Variants in DCAF1 observed in about 807,000 individuals in gnomAD.
DCAF1 encodes DDB1- and CUL4-associated factor 1.
DCAF1 carries 15 observed loss-of-function variants against 128.0 expected under a neutral mutation model. That is an observed-to-expected ratio of 0.12 (90% confidence interval 0.08 to 0.18). DCAF1 has a LOEUF of 0.18. Ranked by LOEUF, DCAF1 falls within the 10% of genes least tolerant of loss-of-function variation. DCAF1 has a pLI of 1.00. For synonymous variants in DCAF1, 610 were observed against 603.0 expected, an observed-to-expected ratio of 1.01 and a Z score of -0.17; for missense variants, 988 against 1,649.5, an observed-to-expected ratio of 0.60 and a Z score of 6.95.
chr3:51,471,186 ATTC>A (rs1329831221), intron 3 of DCAF1, among the ~76,000 whole-genome samples, 181 bp from the exon 4 acceptor site: 1 of 149,870 alleles, frequency 6.7e-6, no homozygotes, highest in African/African-American at 2.4e-5. Flanking sequence ...TCCCAAACTC[ATTC>A]TTTTTTTTTT....
intron 6 of DCAF1, among the ~76,000 whole-genome samples, chr3:51,457,494 A>T (rs1577210617): frequency 6.6e-6 from 1 of 152,320 alleles, no homozygotes; most frequent in African/African-American, 2.4e-5. Context: ...ACTCTGCAGG[A>T]TATTATCCAG....
intron 13 of DCAF1, among the ~76,000 whole-genome samples, chr3:51,425,177 A>G (rs1260207192): frequency 2.0e-5 from 3 of 152,148 alleles, no homozygotes; most frequent in African/African-American, 7.2e-5. Context: ...TATTTTTTCA[A>G]TAATCCAAAT....
At chr3:51,503,050 G>C (rs1336251029), upstream of DCAF1, among the ~76,000 whole-genome samples, 1 of 152,196 alleles carries the variant, frequency 6.6e-6, no homozygotes, top group Non-Finnish European at 1.5e-5. Context: ...ACCTGGCTTG[G>C]TTGTGGCACA....
Position 51,443,906 on chromosome 3 carries a change from A to G in DCAF1, c.376-3T>C. On this transcript the variant is annotated splice_polypyrimidine_tract_variant and splice_region_variant and intron_variant, in intron 6 of 24. Coordinates refer to ENST00000684031, the MANE Select transcript of DCAF1 (RefSeq NM_001387579.1). ...AAAAGATTCTCGACAATTCCCTCCT[A>G]TAGTAAAGGAAATTAAATAGTACAT... The G allele has an allele frequency of 6.3e-7, 1 of 1,587,276 alleles. No homozygotes were observed. Among genetic ancestry groups the G allele is most frequent in the Non-Finnish European group, 8.5e-7 (1 of 1,172,680 alleles).
At chr3:51,469,684 G>A (rs186097911) in intron 4 of DCAF1, among the ~76,000 whole-genome samples, 56 of 152,248 alleles carry the variant, frequency 3.7e-4, no homozygotes, top group African/African-American at 1.3e-3. Context: ...CTGTACCACT[G>A]TAGCAAATTC....
chr3:51,433,763 T>C (rs1262288165), intron 9 of DCAF1, among the ~76,000 whole-genome samples: 1 of 148,970 alleles, frequency 6.7e-6, no homozygotes, highest in African/African-American at 2.5e-5. Context: ...ATGCCCAGCC[T>C]GATTTTTTTA....
intron 14 of DCAF1, 128 bp from the exon 15 acceptor site, chr3:51,421,125 C>T: frequency 8.9e-7 from 1 of 1,127,754 alleles, no homozygotes; most frequent in Non-Finnish European, 1.2e-6. Flanking sequence ...TTTGTAAAAA[C>T]TGCAAGGGTT....
At chr3:51,407,857 G>A (rs1698015506) in intron 23 of DCAF1, among the ~76,000 whole-genome samples, 1 of 151,864 alleles carries the variant, frequency 6.6e-6, no homozygotes, top group Non-Finnish European at 1.5e-5. Context: ...TGTGGTGGCA[G>A]GCGCCTACAA....
At chr3:51,504,758 G>A (rs1285657590), upstream of DCAF1, among the ~76,000 whole-genome samples, 1 of 152,064 alleles carries the variant, frequency 6.6e-6, no homozygotes, top group Non-Finnish European at 1.5e-5. Flanking sequence ...GAGACTGCTG[G>A]GGCAGACCCT....
intron 23 of DCAF1, among the ~76,000 whole-genome samples, chr3:51,405,892 G>A (rs2090067116): frequency 1.3e-5 from 2 of 152,088 alleles, no homozygotes; most frequent in Admixed American, 1.3e-4. Flanking sequence ...AGCTTAGCTG[G>A]GCACAACGGC....
chr3:51,475,068 A>C (rs7642698), intron 3 of DCAF1, among the ~76,000 whole-genome samples: 17,117 of 151,732 alleles, frequency 0.11, 1,917 homozygotes, highest in East Asian at 0.33. Flanking sequence ...CAGGCGTGAG[A>C]CACTGCACCC....
intron 2 of DCAF1, among the ~76,000 whole-genome samples, chr3:51,488,025 C>T (rs1171056001): frequency 2.0e-5 from 3 of 151,932 alleles, no homozygotes; most frequent in African/African-American, 4.8e-5. Flanking sequence ...CCATCATGCC[C>T]GGCTAATTTT....
At chr3:51,488,899 A>G (rs1259462526) in intron 2 of DCAF1, among the ~76,000 whole-genome samples, 2 of 152,094 alleles carry the variant, frequency 1.3e-5, no homozygotes, top group Admixed American at 6.6e-5. Flanking sequence ...TGGGAGGCGG[A>G]GGTTGCAGTA....
chr3:51,404,092 C>G (rs1021069106), intron 23 of DCAF1, among the ~76,000 whole-genome samples: 2 of 152,214 alleles, frequency 1.3e-5, no homozygotes, highest in African/African-American at 4.8e-5. Flanking sequence ...TCTAGGGACT[C>G]TGGGCTTTGT....
At chr3:51,463,714 T>C (rs1553645495) in intron 5 of DCAF1, among the ~76,000 whole-genome samples, 1 of 151,882 alleles carries the variant, frequency 6.6e-6, no homozygotes, top group African/African-American at 2.4e-5. Flanking sequence ...GCCCAGGATG[T>C]CAAGGGTGAA....
chr3:51,500,861 G>C (rs1330084064), upstream of DCAF1, among the ~76,000 whole-genome samples: 3 of 147,794 alleles, frequency 2.0e-5, no homozygotes, highest in Admixed American at 7.0e-5. Context: ...ATCCACGCTG[G>C]AGTGCAGTGG....
At chr3:51,482,082 A>C (rs1410036967) in intron 3 of DCAF1, among the ~76,000 whole-genome samples, 1 of 152,176 alleles carries the variant, frequency 6.6e-6, no homozygotes, top group Admixed American at 6.6e-5. Flanking sequence ...AGTTATGAAT[A>C]AATGAGGAGA....
intron 2 of DCAF1, among the ~76,000 whole-genome samples, chr3:51,495,543 T>C (rs569735230): frequency 1.3e-5 from 2 of 151,990 alleles, no homozygotes; most frequent in African/African-American, 4.8e-5. Context: ...AAGGAAAATA[T>C]AAACTTGTAA....
chr3:51,442,742 C>T (rs930782620), intron 7 of DCAF1, among the ~76,000 whole-genome samples: 1 of 151,964 alleles, frequency 6.6e-6, no homozygotes, highest in Non-Finnish European at 1.5e-5. Context: ...GTGCACTTTA[C>T]TTTGAACTGC....
Sources: gnomAD v4.1 joint callset for allele counts (sites outside exome capture counted in the v4.1 genomes callset) on GRCh38, gnomAD v4.1.1 for gene constraint, MANE v1.5 for transcripts, NCBI Gene and HGNC (gene_info 2026-07-23, HGNC 2026-07-21) for gene names.